The following ZMIZ1 variants were observed in gnomAD, a reference collection of about 807,000 sequenced individuals.
ZMIZ1 encodes zinc finger MIZ-type containing 1.
A neutral mutation model predicts 113.9 loss-of-function variants in ZMIZ1; 17 were observed. The ratio of observed to expected loss-of-function variants is 0.15; its 90% CI spans 0.10 to 0.22. The LOEUF is 0.22. Among genes scored for constraint, ZMIZ1 ranks in the 10% least tolerant of loss-of-function variants. The pLI, the probability that ZMIZ1 is intolerant of heterozygous loss-of-function variation, is 1.00. For synonymous variants in ZMIZ1, 607 were observed against 603.1 expected (o/e 1.01, Z -0.09); for missense variants, 1,059 against 1,477.8 (o/e 0.72, Z 4.65).
chr10:79,187,282 C>T (rs1281051385), intron 4 of ZMIZ1, among the ~76,000 whole-genome samples: 1 of 152,250 alleles, frequency 6.6e-6, no homozygotes, highest in African/African-American at 2.4e-5. Flanking sequence ...CAGAAATTCC[C>T]TCTCCCATGC....
At chr10:79,084,883 A>G in intron 1 of ZMIZ1, among the ~76,000 whole-genome samples, 1 of 150,586 alleles carries the variant, frequency 6.6e-6, no homozygotes, top group Non-Finnish European at 1.5e-5. Flanking sequence ...GGGGTGGGGG[A>G]ATGAGGCAGC....
intron 3 of ZMIZ1, among the ~76,000 whole-genome samples, chr10:79,140,038 G>T (rs935533992): frequency 3.3e-5 from 5 of 152,220 alleles, no homozygotes; most frequent in African/African-American, 1.2e-4. Context: ...ACTTACCTCA[G>T]TTCTCAAGGA....
intron 2 of ZMIZ1, among the ~76,000 whole-genome samples, chr10:79,135,775 A>AT (rs1469805426): frequency 6.6e-6 from 1 of 152,102 alleles, no homozygotes; most frequent in Non-Finnish European, 1.5e-5. Context: ...CTCCTCCTCT[A>AT]TAAGATGGGG....
intron 8 of ZMIZ1, among the ~76,000 whole-genome samples, chr10:79,283,003 T>C (rs772886530): frequency 6.6e-6 from 1 of 152,258 alleles, no homozygotes; most frequent in Non-Finnish European, 1.5e-5. Flanking sequence ...TTCTTCCAGA[T>C]TTTTAATGAG....
At chr10:79,148,725 CTG>C (rs1435160713) in intron 3 of ZMIZ1, among the ~76,000 whole-genome samples, 2 of 152,230 alleles carry the variant, frequency 1.3e-5, no homozygotes, top group Non-Finnish European at 2.9e-5. Context: ...TTGCATATCT[CTG>C]GGGTCACGAG....
At chr10:79,180,665 C>T (rs1013483685) in intron 4 of ZMIZ1, among the ~76,000 whole-genome samples, 1 of 152,222 alleles carries the variant, frequency 6.6e-6, no homozygotes, top group African/African-American at 2.4e-5. Flanking sequence ...CACCACCTTC[C>T]TCTGAGCAGG....
chr10:79,199,335 G>A (rs545527064), intron 4 of ZMIZ1, among the ~76,000 whole-genome samples: 39 of 152,024 alleles, frequency 2.6e-4, no homozygotes, highest in Admixed American at 1.6e-3. Context: ...GTGAAACCCC[G>A]TCTCTGCTAA....
At chr10:79,228,960 AG>A (rs1226153361) in intron 7 of ZMIZ1, among the ~76,000 whole-genome samples, 3 of 152,228 alleles carry the variant, frequency 2.0e-5, no homozygotes. Context: ...CCATCTCATG[AG>A]GGCTCTGCAT....
intron 7 of ZMIZ1, among the ~76,000 whole-genome samples, chr10:79,240,452 C>T (rs957147404): frequency 3.3e-5 from 5 of 152,166 alleles, no homozygotes; most frequent in Middle Eastern, 3.4e-3. Flanking sequence ...TTGGAGTGCC[C>T]GTATTTCTGT....
intron 7 of ZMIZ1, among the ~76,000 whole-genome samples, chr10:79,245,822 C>T (rs879564067): frequency 6.6e-6 from 1 of 152,152 alleles, no homozygotes; most frequent in Non-Finnish European, 1.5e-5. Flanking sequence ...ATGAGTTAAG[C>T]TTATCCTTGG....
At chr10:79,172,880 T>C (rs893708591) in intron 4 of ZMIZ1, among the ~76,000 whole-genome samples, 5 of 152,194 alleles carry the variant, frequency 3.3e-5, no homozygotes, top group African/African-American at 1.2e-4. Context: ...CCTGAATTGG[T>C]CCTTTGTAAC....
At chr10:79,127,788 C>T (rs1844582032) in intron 2 of ZMIZ1, among the ~76,000 whole-genome samples, 1 of 152,148 alleles carries the variant, frequency 6.6e-6, no homozygotes, top group South Asian at 2.1e-4. Flanking sequence ...GAGAGGCCAC[C>T]AGTCTCTGTC....
intron 7 of ZMIZ1, among the ~76,000 whole-genome samples, chr10:79,274,252 C>A (rs571715272): frequency 4.1e-4 from 63 of 152,356 alleles, no homozygotes; most frequent in African/African-American, 1.5e-3. Flanking sequence ...TCCCGTCTCT[C>A]CCACTCACCC....
chr10:79,294,189 A>G (rs1052156281), intron 12 of ZMIZ1: 5 of 179,266 alleles, frequency 2.8e-5, no homozygotes, highest in East Asian at 2.7e-4. Flanking sequence ...CGTGTTTCCA[A>G]TCTATAAGGA....
At chr10:79,276,562 G>A (rs560255951) in intron 7 of ZMIZ1, among the ~76,000 whole-genome samples, 39 of 150,670 alleles carry the variant, frequency 2.6e-4, no homozygotes, top group Middle Eastern at 3.4e-3. Context: ...AGGCATTTGT[G>A]CCCAGCAGAG....
chr10:79,214,919 GAGCGGCAAC>G (rs1050956174), intron 6 of ZMIZ1, among the ~76,000 whole-genome samples: 1 of 152,220 alleles, frequency 6.6e-6, no homozygotes. Flanking sequence ...AGTGAAGCCA[GAGCGGCAAC>G]AGCTTGCAAA....
intron 7 of ZMIZ1, among the ~76,000 whole-genome samples, chr10:79,257,425 T>C (rs1850984836): frequency 6.6e-6 from 1 of 152,248 alleles, no homozygotes; most frequent in African/African-American, 2.4e-5. Context: ...CATCTAGAGT[T>C]GGTGTATCTG....
chr10:79,265,663 T>G (rs1851558851), intron 7 of ZMIZ1, among the ~76,000 whole-genome samples: 5 of 151,846 alleles, frequency 3.3e-5, no homozygotes, highest in Admixed American at 2.6e-4. Flanking sequence ...CTCTCTGATG[T>G]AGGTTCCAGG....
chr10:79,083,750 T>G (rs1842728624), intron 1 of ZMIZ1, among the ~76,000 whole-genome samples: 1 of 152,178 alleles, frequency 6.6e-6, no homozygotes, highest in Non-Finnish European at 1.5e-5. Flanking sequence ...TTTTAAAGAT[T>G]GACTGAGGCT....
Sources: allele counts gnomAD v4.1 joint callset (sites outside exome capture counted in the v4.1 genomes callset), GRCh38; gene constraint gnomAD v4.1.1; transcripts MANE v1.5; gene names NCBI Gene and HGNC (gene_info 2026-07-23, HGNC 2026-07-21).